POU6F2: variants seen among roughly 807,000 people sequenced by gnomAD.
POU6F2 encodes POU class 6 homeobox 2.
POU6F2 carries 31 observed loss-of-function variants against 71.3 expected under a neutral mutation model. The observed-to-expected ratio is 0.43, with a 90% CI of 0.33 to 0.59. The LOEUF (loss-of-function observed/expected upper bound fraction) is 0.59. POU6F2 is among the 20% of genes least tolerant of loss of function. The pLI, the probability that POU6F2 is intolerant of heterozygous loss-of-function variation, is 0.04. For synonymous variants in POU6F2, 347 were observed against 355.7 expected (o/e 0.98, Z 0.27); for missense variants, 783 against 856.8 (o/e 0.91, Z 1.07).
At chr7:39,436,743 T>G (rs61101006) in intron 7 of POU6F2, among the ~76,000 whole-genome samples, 51,190 of 151,954 alleles carry the variant, frequency 0.34, 9,630 homozygotes, top group East Asian at 0.58. Context: ...CATTCAATAT[T>G]ATATTGGCTG....
At chr7:39,091,764 C>T (rs1167029009) in intron 2 of POU6F2, among the ~76,000 whole-genome samples, 1 of 152,210 alleles carries the variant, frequency 6.6e-6, no homozygotes, top group Non-Finnish European at 1.5e-5. Flanking sequence ...ATACAGCTAG[C>T]ATTCCCCTTC....
intron 2 of POU6F2, among the ~76,000 whole-genome samples, chr7:39,188,034 A>G (rs1793582009): frequency 6.6e-6 from 1 of 152,210 alleles, no homozygotes; most frequent in South Asian, 2.1e-4. Flanking sequence ...TTGTGATTGA[A>G]CAATTGTATG....
chr7:39,035,538 G>A (rs776859121), intron 1 of POU6F2, among the ~76,000 whole-genome samples: 1 of 152,104 alleles, frequency 6.6e-6, no homozygotes, highest in Non-Finnish European at 1.5e-5. Flanking sequence ...AAAGTAACTG[G>A]CAGATTCTGC....
At chr7:39,337,218 C>T (rs572313200) in intron 4 of POU6F2, among the ~76,000 whole-genome samples, 1 of 152,284 alleles carries the variant, frequency 6.6e-6, no homozygotes, top group African/African-American at 2.4e-5. Context: ...TTTACCGTAA[C>T]TCTCTCTTCT....
intron 1 of POU6F2, chr7:39,006,894 T>C (rs1490997396): frequency 6.2e-7 from 1 of 1,608,306 alleles, no homozygotes; most frequent in Admixed American, 1.7e-5. Flanking sequence ...TCAGAATGCC[T>C]ACCAATAGGA....
chr7:38,989,996 G>A (rs1289451457), intron 1 of POU6F2, among the ~76,000 whole-genome samples: 2 of 151,978 alleles, frequency 1.3e-5, no homozygotes, highest in Admixed American at 6.6e-5. Context: ...TCTATCATCT[G>A]TATATCTATC....
chr7:39,001,493 C>A (rs190908772), intron 1 of POU6F2, among the ~76,000 whole-genome samples: 1 of 151,990 alleles, frequency 6.6e-6, no homozygotes, highest in Admixed American at 6.6e-5. Flanking sequence ...GTGGTATGCA[C>A]CAGAAAGGAA....
chr7:39,060,758 G>A (rs778222252), intron 1 of POU6F2, among the ~76,000 whole-genome samples: 26 of 152,094 alleles, frequency 1.7e-4, no homozygotes, highest in Non-Finnish European at 3.4e-4. Flanking sequence ...TTTGATCTCA[G>A]GATTCCATTA....
At chr7:39,251,675 TGA>T (rs1210719359) in intron 4 of POU6F2, among the ~76,000 whole-genome samples, 5 of 152,316 alleles carry the variant, frequency 3.3e-5, no homozygotes, top group Non-Finnish European at 5.9e-5. Flanking sequence ...CTCCTGTTTC[TGA>T]GACTCCTCTC....
intron 4 of POU6F2, among the ~76,000 whole-genome samples, chr7:39,295,989 T>C (rs1784838053): frequency 6.6e-6 from 1 of 152,224 alleles, no homozygotes; most frequent in Non-Finnish European, 1.5e-5. Context: ...TTATCAGACC[T>C]TTGCACCCTA....
chr7:39,447,270 C>G (rs1214138377), intron 7 of POU6F2, among the ~76,000 whole-genome samples: 1 of 152,190 alleles, frequency 6.6e-6, no homozygotes, highest in East Asian at 1.9e-4. Flanking sequence ...ATGATCTACA[C>G]TATGGCTGAT....
intron 2 of POU6F2, among the ~76,000 whole-genome samples, chr7:39,186,070 G>A (rs1192806853): frequency 1.3e-5 from 2 of 152,060 alleles, no homozygotes; most frequent in South Asian, 2.1e-4. Flanking sequence ...ACTACCACGC[G>A]TGGCTGGTAT....
At chr7:39,260,020 G>C in intron 4 of POU6F2, among the ~76,000 whole-genome samples, 1 of 146,438 alleles carries the variant, frequency 6.8e-6, no homozygotes, top group Admixed American at 6.8e-5. Context: ...ACCATACCAT[G>C]CTCACACCAC....
At chr7:39,117,165 C>T (rs1214170175) in intron 2 of POU6F2, among the ~76,000 whole-genome samples, 2 of 152,182 alleles carry the variant, frequency 1.3e-5, no homozygotes, top group African/African-American at 2.4e-5. Flanking sequence ...TGAATTATTG[C>T]TTCACTTGTT....
chr7:39,054,031 G>A (rs1234712294), intron 1 of POU6F2, among the ~76,000 whole-genome samples: 1 of 151,904 alleles, frequency 6.6e-6, no homozygotes, highest in East Asian at 1.9e-4. Context: ...TGAACCTGGA[G>A]GTGGAGGTTG....
intron 7 of POU6F2, among the ~76,000 whole-genome samples, chr7:39,440,995 C>T (rs1430140494): frequency 6.6e-6 from 1 of 152,070 alleles, no homozygotes; most frequent in Non-Finnish European, 1.5e-5. Context: ...TCAGGCCCTA[C>T]TCATCCGATT....
At chr7:39,071,654 AACAC>A (rs10522287) in intron 1 of POU6F2, among the ~76,000 whole-genome samples, 13,407 of 141,670 alleles carry the variant, frequency 0.095, 786 homozygotes, top group African/African-American at 0.15. Flanking sequence ...TCTCTAAAGA[AACAC>A]ACACACACAC....
intron 7 of POU6F2, among the ~76,000 whole-genome samples, chr7:39,447,154 T>TGCA (rs1788543560): frequency 6.6e-6 from 1 of 151,976 alleles, no homozygotes; most frequent in East Asian, 1.9e-4. Context: ...ACCATGTTTT[T>TGCA]TTTCAAACAT....
chr7:39,293,628 CTG>C (rs1489430230), intron 4 of POU6F2, among the ~76,000 whole-genome samples: 2 of 152,176 alleles, frequency 1.3e-5, no homozygotes, highest in African/African-American at 4.8e-5. Flanking sequence ...GTTCACTGGA[CTG>C]TGTGTGAACC....
Sources: allele counts gnomAD v4.1 joint callset (sites outside exome capture counted in the v4.1 genomes callset), GRCh38; gene constraint gnomAD v4.1.1; transcripts MANE v1.5; gene names NCBI Gene and HGNC (gene_info 2026-07-23, HGNC 2026-07-21).